The following TOR1AIP1 variants were observed in gnomAD, a reference collection of about 807,000 sequenced individuals.
TOR1AIP1 encodes the protein torsin-1A-interacting protein 1.
A neutral mutation model predicts 63.3 loss-of-function variants in TOR1AIP1; 54 were observed. The ratio of observed to expected loss-of-function variants is 0.85; its 90% CI spans 0.69 to 1.07. TOR1AIP1 has a LOEUF of 1.07. Ranked by LOEUF, TOR1AIP1 falls within the 50% of genes least tolerant of loss-of-function variation. The pLI, the probability that TOR1AIP1 is intolerant of heterozygous loss-of-function variation, is 0.00. For missense variants in TOR1AIP1, 736 were observed against 715.0 expected, an observed-to-expected ratio of 1.03 and a Z score of -0.33; for synonymous variants, 294 against 273.5, an observed-to-expected ratio of 1.07 and a Z score of -0.74.
chr1:179,895,472 G>A (rs1274352274), intron 3 of TOR1AIP1, among the ~76,000 whole-genome samples: 1 of 152,132 alleles, frequency 6.6e-6, no homozygotes, highest in East Asian at 1.9e-4. Flanking sequence ...GCTGGGTGTG[G>A]TGGCACGTGC....
rs1571719042 is a variant in TOR1AIP1, at chr1:179,882,767, G to C, written c.265G>C (p.Glu89Gln). Residue 89 changes from glutamate (E) to glutamine (Q), a missense_variant, in exon 1 of 10, where the codon GAG (glutamate) becomes CAG (glutamine). Glu to Gln is a conservative substitution (Grantham distance 29). Around this residue, in one of 2 missense-constraint regions of TOR1AIP1, gnomAD observed 464 missense variants for 371.0 expected, o/e 1.25. Coordinates refer to ENST00000606911, the MANE Select transcript of TOR1AIP1 (RefSeq NM_015602.4). ...GGTGGGAAAACGAACCCGGCTAGAA[G>C]AGTTCCGGTCCGATTCTGCGAAAGA... ...SPVGKRTRLEEFRSDSAKEEV... is the reference protein window; with the variant it reads ...SPVGKRTRLEQFRSDSAKEEV... 6.2e-7 allele frequency: 1 copy of C among 1,614,212 alleles called. No individual in the cohort carries two copies. The highest frequency in any genetic ancestry group is 2.2e-5 in the East Asian group (1 of 44,880).
chr1:179,898,031 G>A (rs1648339367), intron 3 of TOR1AIP1, among the ~76,000 whole-genome samples: 1 of 152,110 alleles, frequency 6.6e-6, no homozygotes, highest in African/African-American at 2.4e-5. Context: ...GAGCCTGGGA[G>A]GGAGGGGTTG....
intron 3 of TOR1AIP1, among the ~76,000 whole-genome samples, chr1:179,898,540 A>G (rs984820908): frequency 4.6e-5 from 7 of 152,056 alleles, no homozygotes; most frequent in African/African-American, 1.7e-4. Context: ...AGAGAACAAT[A>G]CCTTTTTGTA....
chr1:179,883,057 G>T (rs1359023388), intron 1 of TOR1AIP1, 80 bp downstream of exon 1: 56 of 1,272,656 alleles, frequency 4.4e-5, no homozygotes, highest in Non-Finnish European at 5.1e-5. Context: ...TGGAGCTCAT[G>T]CCCGCCTGGG....
chr1:179,901,245 T>C (rs773173542), intron 4 of TOR1AIP1, 57 bp from the exon 5 acceptor site: 2 of 1,184,842 alleles, frequency 1.7e-6, no homozygotes, highest in East Asian at 5.1e-5. Flanking sequence ...TTTTTTAAAT[T>C]CAGATCTTCT....
At chr1:179,888,104 T>C (rs1647962501) in intron 2 of TOR1AIP1, 1 of 152,244 alleles carries the variant, frequency 6.6e-6, no homozygotes, top group African/African-American at 2.4e-5. Flanking sequence ...GTGATTGATG[T>C]CTGTAGAGTC....
At chr1:179,902,315 G>A (rs1369739672) in intron 5 of TOR1AIP1, among the ~76,000 whole-genome samples, 1 of 151,612 alleles carries the variant, frequency 6.6e-6, no homozygotes, top group African/African-American at 2.4e-5. Flanking sequence ...CCTGAGCCAC[G>A]ACGCCTGACC....
chr1:179,886,150 A>T (rs913793732), intron 2 of TOR1AIP1, among the ~76,000 whole-genome samples: 1 of 152,222 alleles, frequency 6.6e-6, no homozygotes, highest in African/African-American at 2.4e-5. Context: ...CCATTTTGGA[A>T]AACCATAATC....
In TOR1AIP1 at chr1:179,882,757, C is replaced by T; in HGVS notation, c.255C>T (p.Thr85=). The T allele has an allele frequency of 6.2e-7, 1 of 1,614,170 alleles. No individual in the cohort carries two copies. Among genetic ancestry groups the T allele is most frequent in the East Asian group, 2.2e-5 (1 of 44,878 alleles). Residue 85 remains threonine, a synonymous_variant, in exon 1 of 10, where the codon ACC becomes ACT. Transcript: ENST00000606911. ...AKERSPVGKR[T]RLEEFRSDSA... ...AAAGGTCCCCGGTGGGAAAACGAAC[C>T]CGGCTAGAAGAGTTCCGGTCCGATT... is the stretch of plus-strand genomic sequence containing the variant.
intron 6 of TOR1AIP1, among the ~76,000 whole-genome samples, chr1:179,906,672 T>G (rs2148479258): frequency 6.6e-6 from 1 of 152,052 alleles, no homozygotes; most frequent in Non-Finnish European, 1.5e-5. Context: ...ACTGCCTGGA[T>G]TTGTATCTCA....
intron 2 of TOR1AIP1, among the ~76,000 whole-genome samples, chr1:179,888,645 C>T (rs1013789725): frequency 9.9e-5 from 15 of 151,982 alleles, no homozygotes; most frequent in Admixed American, 4.6e-4. Flanking sequence ...ATGAATGAAA[C>T]AAAACATAAT....
chr1:179,897,432 A>G (rs1309304404), intron 3 of TOR1AIP1, among the ~76,000 whole-genome samples: 3 of 152,226 alleles, frequency 2.0e-5, no homozygotes, highest in Non-Finnish European at 4.4e-5. Flanking sequence ...TTGACCTGGA[A>G]CTTCAAATGT....
intron 9 of TOR1AIP1, 135 bp from the exon 10 acceptor site, chr1:179,917,317 T>G (rs1649051965): frequency 4.0e-6 from 3 of 757,466 alleles, no homozygotes; most frequent in Non-Finnish European, 6.4e-6. Context: ...ATTAAGAAAA[T>G]TATCAGCTTT....
rs1180462030 is a variant in TOR1AIP1, at chr1:179,902,771, AAATT to A, written c.740-1190_740-1187del. On this transcript the variant is annotated intron_variant, in intron 5 of 9. Transcript: ENST00000606911. The stretch of plus-strand genomic sequence containing the variant: ...TGTCATCTGGATTGTTGTGGGGGTT[AAATT>A]AATTCATATATGCAAAGCACTTACC... Among the ~76,000 whole-genome samples, 10 of 152,236 alleles carry A rather than the reference AAATT, an allele frequency of 6.6e-5. No homozygotes were observed. In the East Asian group the frequency reaches 1.7e-3, roughly 26 times the overall value.
intron 1 of TOR1AIP1, 65 bp downstream of exon 1, chr1:179,883,042 C>T (rs1304333213): frequency 1.4e-6 from 2 of 1,427,764 alleles, no homozygotes; most frequent in South Asian, 1.2e-5. Flanking sequence ...GGGCGCGCGC[C>T]TCGGTGGAGC....
chr1:179,916,530 T>C (rs1205865782), intron 9 of TOR1AIP1, among the ~76,000 whole-genome samples: 3 of 152,092 alleles, frequency 2.0e-5, no homozygotes, highest in African/African-American at 7.2e-5. Context: ...AAGCACTAGA[T>C]AAATATAAAT....
chr1:179,915,776 G>A (rs1219090217), intron 9 of TOR1AIP1, among the ~76,000 whole-genome samples: 1 of 151,968 alleles, frequency 6.6e-6, no homozygotes, highest in East Asian at 1.9e-4. Context: ...AAAAGAAAGT[G>A]TTAAAGTACA....
rs1249664244 is a variant in TOR1AIP1, at chr1:179,906,743, CT to C, written c.797-1068del. 6.8e-4 allele frequency among the ~76,000 whole-genome samples: 27 copies of C among 39,856 alleles called. No individual in the cohort carries two copies. In the East Asian group the frequency reaches 0.015, roughly 23 times the overall value. 26.1% of individuals were successfully genotyped at this position (39,856 alleles called of 152,430 possible). On this transcript the variant is annotated intron_variant, in intron 6 of 9. Transcript: ENST00000606911. Reference sequence around the variant, plus strand: ...TTACCAATTTTGGTTCCCCCCCCCCCTTTTTTTTTTTTGAGACAGAGTCTCG... The same window carrying C: ...TTACCAATTTTGGTTCCCCCCCCCCCTTTTTTTTTTTGAGACAGAGTCTCG...
intron 8 of TOR1AIP1, among the ~76,000 whole-genome samples, chr1:179,909,206 C>T (rs1381230873): frequency 6.6e-6 from 1 of 151,928 alleles, no homozygotes; most frequent in Non-Finnish European, 1.5e-5. Flanking sequence ...TGGATTTTAA[C>T]AAGCTGTCAG....
Sources: allele counts gnomAD v4.1 joint callset (sites outside exome capture counted in the v4.1 genomes callset), GRCh38; gene constraint gnomAD v4.1.1; regional missense constraint gnomAD v4.1.1; transcripts MANE v1.5; gene names NCBI Gene and HGNC (gene_info 2026-07-23, HGNC 2026-07-21).